TMCO4: variants seen among roughly 807,000 people sequenced by gnomAD.
TMCO4 encodes transmembrane and coiled-coil domains 4.
A neutral mutation model predicts 64.7 loss-of-function variants in TMCO4; 58 were observed. That is an observed-to-expected ratio of 0.90 (90% CI 0.73 to 1.12). The LOEUF (loss-of-function observed/expected upper bound fraction) is 1.12. Ranked by LOEUF, TMCO4 falls within the 50% of genes most tolerant of loss-of-function variation. The probability of loss-of-function intolerance (pLI) is 0.00; values close to 1 mark genes in which losing one functional copy is unlikely to be tolerated. For missense variants in TMCO4, 780 were observed against 825.9 expected (o/e 0.94, Z 0.68); for synonymous variants, 325 against 346.1 (o/e 0.94, Z 0.68).
intron 6 of TMCO4, among the ~76,000 whole-genome samples, chr1:19,764,842 CAAAAAAAAAAA>C (rs33963523): frequency 0.18 from 12,528 of 70,754 alleles, 720 homozygotes; most frequent in Middle Eastern, 0.21. Flanking sequence ...AACTCTGTCT[CAAAAAAAAAAA>C]AAAAAAAAAA....
At chr1:19,771,607 C>T in intron 4 of TMCO4, 125 bp from the exon 5 acceptor site, 1 of 939,836 alleles carries the variant, frequency 1.1e-6, no homozygotes, top group Non-Finnish European at 1.5e-6. Flanking sequence ...ACTGTGATCC[C>T]TCAAATACAG....
chr1:19,731,922 C>T (rs1464441477), intron 13 of TMCO4, among the ~76,000 whole-genome samples: 1 of 152,158 alleles, frequency 6.6e-6, no homozygotes, highest in Non-Finnish European at 1.5e-5. Context: ...ATCAGGAATT[C>T]CCTTACACTC....
At chr1:19,714,861 T>C (rs1422546103) in intron 13 of TMCO4, among the ~76,000 whole-genome samples, 3 of 152,074 alleles carry the variant, frequency 2.0e-5, no homozygotes, top group Admixed American at 2.0e-4. Context: ...AGGTGGAGGT[T>C]GCAGTAAGCC....
At chr1:19,784,829 A>G (rs2043653400) in intron 3 of TMCO4, among the ~76,000 whole-genome samples, 1 of 138,232 alleles carries the variant, frequency 7.2e-6, no homozygotes, top group African/African-American at 2.7e-5. Flanking sequence ...CTAACATTAA[A>G]TGATAGCTGA....
At chr1:19,724,011 T>G (rs1215934129) in intron 13 of TMCO4, among the ~76,000 whole-genome samples, 1 of 152,158 alleles carries the variant, frequency 6.6e-6, no homozygotes, top group East Asian at 1.9e-4. Flanking sequence ...GGTGCCTGCA[T>G]TCCCAGAGGG....
chr1:19,714,721 G>A (rs1347880219), intron 13 of TMCO4, among the ~76,000 whole-genome samples: 1 of 151,954 alleles, frequency 6.6e-6, no homozygotes, highest in East Asian at 1.9e-4. Flanking sequence ...CCAGGAGTTC[G>A]GGACCAGCCT....
chr1:19,683,103 G>A lies in TMCO4; in HGVS notation c.1842C>T (p.Pro614=), dbSNP rs377672721. 19 of 1,612,048 alleles carry A rather than the reference G, an allele frequency of 1.2e-5. No individual in the cohort carries two copies. Among genetic ancestry groups the A allele is most frequent in the Non-Finnish European group, 1.3e-5 (15 of 1,179,126 alleles). The change falls in exon 16 of 16, where the codon CCC becomes CCT. Residue 614 remains proline, a synonymous_variant. Transcript: ENST00000294543. ...RPPICSHGMD[P]NPLGCPDCAC... Reference sequence around the variant, plus strand: ...CACAATCGGGGCAGCCCAGTGGGTTGGGGTCCATGCCATGGCTGCAGATGG... The same window carrying A: ...CACAATCGGGGCAGCCCAGTGGGTTAGGGTCCATGCCATGGCTGCAGATGG...
chr1:19,740,678 C>T (rs1353968892), intron 11 of TMCO4, 99 bp downstream of exon 11: 2 of 1,384,092 alleles, frequency 1.4e-6, no homozygotes, highest in Non-Finnish European at 2.0e-6. Flanking sequence ...CAGCACGGTG[C>T]CTGCCCTGGG....
intron 12 of TMCO4, 151 bp from the exon 13 acceptor site, chr1:19,737,607 T>A: frequency 1.6e-6 from 1 of 613,276 alleles, no homozygotes; most frequent in South Asian, 2.7e-5. Flanking sequence ...TGAGCGCTGA[T>A]GTCTTAATCA....
At chr1:19,750,518 CA>C (rs1254436159) in intron 7 of TMCO4, 8 of 152,236 alleles carry the variant, frequency 5.3e-5, no homozygotes, top group African/African-American at 1.9e-4. Context: ...ACCACCGCAG[CA>C]GCCAATGCCA....
rs140958333 is a variant in TMCO4 at position 19,682,745 on chromosome 1, T to C, written c.*295A>G. On this transcript the variant is annotated 3_prime_UTR_variant, in exon 16 of 16. Coordinates refer to ENST00000294543, the MANE Select transcript of TMCO4 (RefSeq NM_181719.7). ...AGAAGTACAGAAAGCCCACAGTTGG[T>C]TTCCGGTCCTGGGACTCTAACCTGT... 5 of 718,408 alleles carry C rather than the reference T, an allele frequency of 7.0e-6. No individual in the cohort carries two copies. The highest frequency in any genetic ancestry group is 1.7e-5 in the African/African-American group (1 of 57,416). 44.5% of individuals were successfully genotyped at this position (718,408 alleles called of 1,614,324 possible). A position where few individuals can be genotyped will look rare whatever the true frequency, so the allele number is the denominator to read the frequency against.
At chr1:19,789,878 C>T (rs1277576619) in intron 2 of TMCO4, among the ~76,000 whole-genome samples, 3 of 151,982 alleles carry the variant, frequency 2.0e-5, no homozygotes, top group Admixed American at 6.6e-5. Context: ...CATGGCAAAA[C>T]CCCATCTCTA....
intron 4 of TMCO4, among the ~76,000 whole-genome samples, chr1:19,774,897 G>A (rs1332003807): frequency 6.6e-6 from 1 of 152,082 alleles, no homozygotes; most frequent in East Asian, 1.9e-4. Flanking sequence ...CTACATCTCT[G>A]GGACCCCAGA....
intron 6 of TMCO4, among the ~76,000 whole-genome samples, chr1:19,766,932 C>T (rs900900701): frequency 1.4e-4 from 21 of 152,118 alleles, no homozygotes; most frequent in African/African-American, 5.1e-4. Context: ...TCTCTGGGGA[C>T]CTTTGGGGCC....
In TMCO4 at chr1:19,733,096, A is replaced by T. The variant is rs539869450; in HGVS notation, c.1264+4276T>A. Among the ~76,000 whole-genome samples, 5 of 151,398 alleles carry T rather than the reference A, an allele frequency of 3.3e-5. No individual in the cohort carries two copies. In the East Asian group the frequency reaches 9.8e-4, roughly 30 times the overall value. On this transcript the variant is annotated intron_variant, in intron 13 of 15. Coordinates refer to ENST00000294543, the MANE Select transcript of TMCO4 (RefSeq NM_181719.7). Reference sequence around the variant, plus strand: ...GCCTGGCCAACATGGTGAAACCCCGACTCTACTAAAAATACAAAAAATTTG... The same window carrying T: ...GCCTGGCCAACATGGTGAAACCCCGTCTCTACTAAAAATACAAAAAATTTG...
At chr1:19,690,866 CTTTTT>C (rs34764589) in intron 15 of TMCO4, among the ~76,000 whole-genome samples, 1 of 111,286 alleles carries the variant, frequency 9.0e-6, no homozygotes, top group Non-Finnish European at 1.8e-5. Context: ...TGTGAAGACT[CTTTTT>C]TTTTTTTTTT....
intron 13 of TMCO4, among the ~76,000 whole-genome samples, chr1:19,702,035 T>C (rs2095275768): frequency 6.6e-6 from 1 of 152,082 alleles, no homozygotes; most frequent in Non-Finnish European, 1.5e-5. Context: ...AGTGGCGCAA[T>C]CTCGGCTCAC....
chr1:19,727,387 G>C (rs1311902499), intron 13 of TMCO4, among the ~76,000 whole-genome samples: 1 of 152,184 alleles, frequency 6.6e-6, no homozygotes, highest in African/African-American at 2.4e-5. Flanking sequence ...CACCACTGCT[G>C]ATCCCCACAC....
At chr1:19,771,771 C>T (rs1357870188) in intron 4 of TMCO4, among the ~76,000 whole-genome samples, 9 of 152,186 alleles carry the variant, frequency 5.9e-5, no homozygotes, top group Non-Finnish European at 1.0e-4. Flanking sequence ...ATTCTCCTGC[C>T]TCAGCCTCCC....
Sources: gnomAD v4.1 joint callset for allele counts (sites outside exome capture counted in the v4.1 genomes callset) on GRCh38, gnomAD v4.1.1 for gene constraint, MANE v1.5 for transcripts, NCBI Gene and HGNC (gene_info 2026-07-23, HGNC 2026-07-21) for gene names.